ARPP21: variants seen among roughly 807,000 people sequenced by gnomAD.
ARPP21 encodes cAMP-regulated phosphoprotein 21.
Under a neutral mutation model 113.2 loss-of-function variants are expected in ARPP21, and 69 were observed. The ratio of observed to expected loss-of-function variants is 0.61; its 90% confidence interval spans 0.50 to 0.74. The LOEUF (loss-of-function observed/expected upper bound fraction) is 0.74. Among genes scored for constraint, ARPP21 ranks in the 30% least tolerant of loss-of-function variants. ARPP21 has a pLI of 0.00. For missense variants in ARPP21, 1,070 were observed against 1,037.4 expected (o/e 1.03, Z -0.43); for synonymous variants, 368 against 375.5 (o/e 0.98, Z 0.23).
At chr3:35,726,744 A>G (rs2150402703) in intron 14 of ARPP21, among the ~76,000 whole-genome samples, 1 of 152,364 alleles carries the variant, frequency 6.6e-6, no homozygotes, top group South Asian at 2.1e-4. Flanking sequence ...TCATGCCATC[A>G]CTGGCTTATA....
At chr3:35,658,302 CTCTT>C (rs534079183) in intron 1 of ARPP21, among the ~76,000 whole-genome samples, 29 of 152,126 alleles carry the variant, frequency 1.9e-4, no homozygotes, top group African/African-American at 6.5e-4. Flanking sequence ...TTCTTTCTTT[CTCTT>C]TCTTTCTTCT....
At chr3:35,786,215 T>C (rs2096629105) in intron 19 of ARPP21, among the ~76,000 whole-genome samples, 1 of 152,168 alleles carries the variant, frequency 6.6e-6, no homozygotes, top group Non-Finnish European at 1.5e-5. Flanking sequence ...TAGTCTATAC[T>C]GCTTTCTTGT....
intron 19 of ARPP21, among the ~76,000 whole-genome samples, chr3:35,770,683 T>C (rs1305933729): frequency 6.6e-6 from 1 of 152,216 alleles, no homozygotes; most frequent in African/African-American, 2.4e-5. Flanking sequence ...TTTTTGAGCT[T>C]GGTAGATAGC....
intron 9 of ARPP21, among the ~76,000 whole-genome samples, chr3:35,691,206 A>C (rs1184733492): frequency 6.6e-6 from 1 of 151,780 alleles, no homozygotes; most frequent in African/African-American, 2.4e-5. Context: ...CAGACAATAA[A>C]GTGGATTTAT....
chr3:35,704,168 C>G (rs908716548), intron 9 of ARPP21, among the ~76,000 whole-genome samples: 1 of 151,718 alleles, frequency 6.6e-6, no homozygotes, highest in Non-Finnish European at 1.5e-5. Context: ...ATAATTTGAA[C>G]TATTAAATTC....
At chr3:35,680,122 T>C (rs1210838442) in intron 2 of ARPP21, among the ~76,000 whole-genome samples, 162 bp downstream of exon 2, 1 of 151,896 alleles carries the variant, frequency 6.6e-6, no homozygotes, top group Non-Finnish European at 1.5e-5. Context: ...CTCAATTTGT[T>C]CACTCCATTT....
chr3:35,785,049 A>G lies in ARPP21; in HGVS notation c.2138-7333A>G, dbSNP rs1276719300. 4.6e-5 allele frequency: 7 copies of G among 152,262 alleles called. No homozygotes were observed. In the East Asian group the frequency reaches 1.2e-3, roughly 25 times the overall value. 9.4% of individuals were successfully genotyped at this position (152,262 alleles called of 1,614,324 possible). ...TCAGCTGGCCAACAGCACTTCATCA[A>G]TGAAAATATCCACCAGGAGGAATAT... On this transcript the variant is annotated intron_variant, in intron 19 of 20. Coordinates refer to ENST00000684406, the MANE Select transcript of ARPP21 (RefSeq NM_001385562.1).
rs114857992 is a variant in ARPP21 at position 35,696,231 on chromosome 3, G to A, written c.686+5226G>A. ...TTAGGTGAGTGCTGCTGTCACCAAG[G>A]CATGGGGCTGGAACATTTATGAAAA... On this transcript the variant is annotated intron_variant, in intron 9 of 20. Coordinates refer to ENST00000684406, the MANE Select transcript of ARPP21 (RefSeq NM_001385562.1). Among the ~76,000 whole-genome samples, 674 of 151,688 alleles carry A rather than the reference G, an allele frequency of 4.4e-3. 2 individuals are homozygous for A. The highest frequency in any genetic ancestry group is 0.015 in the African/African-American group (640 of 41,456).
intron 19 of ARPP21, among the ~76,000 whole-genome samples, chr3:35,745,069 A>G (rs1322631138): frequency 6.6e-6 from 1 of 152,176 alleles, no homozygotes; most frequent in Non-Finnish European, 1.5e-5. Context: ...AGAAACCTAT[A>G]TCTTCCAGCC....
chr3:35,680,354 C>T, intron 2 of ARPP21, among the ~76,000 whole-genome samples: 1 of 151,886 alleles, frequency 6.6e-6, no homozygotes, highest in East Asian at 1.9e-4. Flanking sequence ...GAATGCATTG[C>T]TTACTAGTCA....
intron 11 of ARPP21, among the ~76,000 whole-genome samples, chr3:35,711,317 C>T (rs926628046): frequency 3.9e-5 from 6 of 152,124 alleles, no homozygotes; most frequent in South Asian, 4.1e-4. Flanking sequence ...TTCATGAACA[C>T]GTGTGCATTT....
chr3:35,785,570 C>A (rs1283712073), intron 19 of ARPP21, among the ~76,000 whole-genome samples: 4 of 152,018 alleles, frequency 2.6e-5, no homozygotes, highest in Non-Finnish European at 4.4e-5. Context: ...TAACATGGAT[C>A]AGGATAGTAT....
chr3:35,677,273 T>TACAC (rs10663445), intron 1 of ARPP21, among the ~76,000 whole-genome samples: 39 of 150,732 alleles, frequency 2.6e-4, no homozygotes, highest in African/African-American at 9.5e-4. Context: ...ATATGTGTAA[T>TACAC]ACACACACAC....
In ARPP21 at chr3:35,729,372, C is replaced by T. The variant is rs773911843; in HGVS notation, c.1295C>T (p.Thr432Ile). 2.5e-6 allele frequency: 4 copies of T among 1,614,084 alleles called. No individual in the cohort carries two copies. Among genetic ancestry groups the T allele is most frequent in the Non-Finnish European group, 3.4e-6 (4 of 1,180,044 alleles). The change falls in exon 15 of 21, where the codon ACA becomes ATA. Residue 432 changes from threonine to isoleucine, a missense_variant. Physicochemically the swap from Thr to Ile is moderately conservative, Grantham distance 89 (BLOSUM62 -1). Transcript: ENST00000684406. ...LSRTHPPLQS[T>I]PLVSGVAAGS... Reference sequence around the variant, plus strand: ...CGCACCCATCCACCTCTCCAGAGCACACCCCTAGTCTCAGGTGTGGCAGCT... The same window carrying T: ...CGCACCCATCCACCTCTCCAGAGCATACCCCTAGTCTCAGGTGTGGCAGCT...
At chr3:35,672,521 A>G (rs948899664) in intron 1 of ARPP21, among the ~76,000 whole-genome samples, 2 of 152,090 alleles carry the variant, frequency 1.3e-5, no homozygotes, top group African/African-American at 4.8e-5. Context: ...GCAAAGTCAC[A>G]TAGCCATTAC....
intron 11 of ARPP21, among the ~76,000 whole-genome samples, chr3:35,709,609 CAT>C (rs1334316922): frequency 6.6e-6 from 1 of 151,966 alleles, no homozygotes; most frequent in Admixed American, 6.6e-5. Context: ...AGGGAATAAT[CAT>C]AAAACAAATC....
chr3:35,747,716 C>T (rs968106759), intron 19 of ARPP21, among the ~76,000 whole-genome samples: 1 of 152,120 alleles, frequency 6.6e-6, no homozygotes, highest in East Asian at 1.9e-4. Flanking sequence ...CTTATGTCTC[C>T]CTACTCTGCC....
chr3:35,647,156 C>A (rs141773485), intron 1 of ARPP21, among the ~76,000 whole-genome samples: 11 of 152,192 alleles, frequency 7.2e-5, no homozygotes, highest in Middle Eastern at 3.4e-3. Context: ...TTGTCTTCAG[C>A]CAGAACTATG....
At chr3:35,684,096 G>A in intron 5 of ARPP21, 3 of 1,547,596 alleles carry the variant, frequency 1.9e-6, no homozygotes, top group South Asian at 2.5e-5. Flanking sequence ...AGGCACAGTA[G>A]TGCTGAATTT....
Sources: gnomAD v4.1 joint callset for allele counts (sites outside exome capture counted in the v4.1 genomes callset) on GRCh38, gnomAD v4.1.1 for gene constraint, MANE v1.5 for transcripts, NCBI Gene and HGNC (gene_info 2026-07-23, HGNC 2026-07-21) for gene names.